The following XPO4 variants were observed in gnomAD, a reference collection of about 807,000 sequenced individuals.
XPO4 encodes the protein exportin-4.
Under a neutral mutation model 143.0 loss-of-function variants are expected in XPO4, and 39 were observed. The observed-to-expected ratio is 0.27, with a 90% CI of 0.21 to 0.36. The LOEUF (loss-of-function observed/expected upper bound fraction) is 0.36. Among genes scored for constraint, XPO4 ranks in the 10% least tolerant of loss-of-function variants. The pLI, the probability that XPO4 is intolerant of heterozygous loss-of-function variation, is 1.00. For missense variants in XPO4, 907 were observed against 1,348.0 expected, an observed-to-expected ratio of 0.67 and a Z score of 5.12; for synonymous variants, 439 against 474.0, an observed-to-expected ratio of 0.93 and a Z score of 0.96.
intron 18 of XPO4, 144 bp downstream of exon 18, chr13:20,795,932 C>T: frequency 3.5e-6 from 3 of 860,982 alleles, no homozygotes; most frequent in South Asian, 2.0e-5. Flanking sequence ...CTGGTCCTCA[C>T]CCTCACTTTG....
At chr13:20,846,166 T>C (rs1394423077) in intron 4 of XPO4, among the ~76,000 whole-genome samples, 2 of 152,258 alleles carry the variant, frequency 1.3e-5, no homozygotes, top group Non-Finnish European at 2.9e-5. Flanking sequence ...TTCCACAGAT[T>C]GTGTCTTACT....
chr13:20,864,713 G>T (rs902277058), intron 2 of XPO4, among the ~76,000 whole-genome samples: 1 of 152,048 alleles, frequency 6.6e-6, no homozygotes, highest in African/African-American at 2.4e-5. Flanking sequence ...TTTGGAGGTG[G>T]GTGGGTGTTG....
chr13:20,801,330 G>A (rs770911376), intron 13 of XPO4, among the ~76,000 whole-genome samples: 2 of 152,172 alleles, frequency 1.3e-5, no homozygotes, highest in Non-Finnish European at 2.9e-5. Context: ...TAAATCTTCA[G>A]AGTACATGCC....
intron 1 of XPO4, among the ~76,000 whole-genome samples, chr13:20,877,352 A>G (rs911047412): frequency 6.6e-6 from 1 of 152,190 alleles, no homozygotes; most frequent in Non-Finnish European, 1.5e-5. Context: ...TCCTGGACCC[A>G]TTTCTAGCTA....
intron 13 of XPO4, among the ~76,000 whole-genome samples, chr13:20,804,499 A>G (rs2059478829): frequency 6.6e-6 from 1 of 152,074 alleles, no homozygotes; most frequent in Admixed American, 6.6e-5. Flanking sequence ...CACTGCCTAA[A>G]GTACTCTTGT....
At chr13:20,887,364 G>A (rs915243367) in intron 1 of XPO4, among the ~76,000 whole-genome samples, 1 of 152,014 alleles carries the variant, frequency 6.6e-6, no homozygotes, top group Non-Finnish European at 1.5e-5. Flanking sequence ...ATCATTCCAC[G>A]TTGTATATAT....
chr13:20,866,134 TC>T (rs2060243032), intron 2 of XPO4: 1 of 985,138 alleles, frequency 1.0e-6, no homozygotes, highest in Non-Finnish European at 1.2e-6. Flanking sequence ...GAACATTTGA[TC>T]CTAAAAAATT....
intron 9 of XPO4, among the ~76,000 whole-genome samples, chr13:20,817,189 T>C (rs989069735): frequency 3.3e-5 from 5 of 152,340 alleles, no homozygotes; most frequent in African/African-American, 1.2e-4. Flanking sequence ...TTCCCTCTTA[T>C]CACTGAGATA....
At chr13:20,894,653 C>A (rs1200540020) in intron 1 of XPO4, among the ~76,000 whole-genome samples, 1 of 151,656 alleles carries the variant, frequency 6.6e-6, no homozygotes, top group African/African-American at 2.4e-5. Context: ...ACCAGCCTGG[C>A]CAACATGGTA....
At chr13:20,859,871 G>A (rs1390625391) in intron 3 of XPO4, 2 of 981,436 alleles carry the variant, frequency 2.0e-6, no homozygotes, top group African/African-American at 3.5e-5. Context: ...TATACATAAT[G>A]AAAATTTGCT....
At chr13:20,835,541 A>T (rs1052618764) in intron 6 of XPO4, among the ~76,000 whole-genome samples, 2 of 152,160 alleles carry the variant, frequency 1.3e-5, no homozygotes, top group Non-Finnish European at 2.9e-5. Flanking sequence ...GCCTAACACC[A>T]CAATATCACA....
chr13:20,822,234 A>C lies in XPO4; in HGVS notation c.896T>G (p.Leu299Arg). The change falls in exon 8 of 23, where the codon CTT (leucine) becomes CGT (arginine). Residue 299 changes from leucine to arginine, a missense_variant. Transcript: ENST00000255305. ...SDMAQDSLQC[L>R]AQLASLHGPI... Reference sequence around the variant, plus strand: ...TCCATGAAGAGAAGCTAACTGGGCAAGGCACTGCAGAGAATCTTGTGCCAT... The same window carrying C: ...TCCATGAAGAGAAGCTAACTGGGCACGGCACTGCAGAGAATCTTGTGCCAT... 1 of 1,613,980 alleles carries C rather than the reference A, an allele frequency of 6.2e-7. No homozygotes were observed. Among genetic ancestry groups the C allele is most frequent in the Non-Finnish European group, 8.5e-7 (1 of 1,179,898 alleles).
rs527996774 is a variant in XPO4, at chr13:20,811,319, G to C, written c.1174-1352C>G. Among the ~76,000 whole-genome samples, 118 of 142,738 alleles carry C rather than the reference G, an allele frequency of 8.3e-4. 5 individuals are homozygous for C. The South Asian group carries it at 0.025, about 30-fold the overall frequency. 93.6% of individuals were successfully genotyped at this position (142,738 alleles called of 152,430 possible). On this transcript the variant is annotated intron_variant, in intron 9 of 22. Coordinates refer to ENST00000255305, the MANE Select transcript of XPO4 (RefSeq NM_022459.5). ...TTTTTTTTTTTTGAGATGGAGTCTC[G>C]CTCTGTTACCCAGGCTGGAGTGCAG...
intron 2 of XPO4, chr13:20,863,148 A>G: frequency 9.7e-7 from 1 of 1,032,308 alleles, no homozygotes; most frequent in Non-Finnish European, 1.2e-6. Context: ...AGCTTTAAAA[A>G]AAATAAAAAT....
intron 1 of XPO4, among the ~76,000 whole-genome samples, chr13:20,897,854 T>G (rs1247862159): frequency 6.6e-6 from 1 of 152,196 alleles, no homozygotes; most frequent in Non-Finnish European, 1.5e-5. Context: ...GTCAAGTGAT[T>G]CTCCTGCCTC....
chr13:20,850,350 G>A, intron 4 of XPO4: 1 of 884,602 alleles, frequency 1.1e-6, no homozygotes, highest in Non-Finnish European at 1.4e-6. Flanking sequence ...GTTAATTTAA[G>A]TTAGGTTGGC....
At chr13:20,797,103 T>C in intron 16 of XPO4, 46 bp from the exon 17 acceptor site, 1 of 1,508,384 alleles carries the variant, frequency 6.6e-7, no homozygotes, top group Non-Finnish European at 8.9e-7. Flanking sequence ...GTTCTCATGC[T>C]TTATTTCCTC....
chr13:20,792,034 C>T (rs2059286889), intron 18 of XPO4, among the ~76,000 whole-genome samples: 1 of 152,202 alleles, frequency 6.6e-6, no homozygotes, highest in African/African-American at 2.4e-5. Flanking sequence ...TGACTCCCTG[C>T]TCCAGGTATC....
intron 4 of XPO4, chr13:20,853,128 C>T (rs2060105930): frequency 1.3e-6 from 1 of 748,820 alleles, no homozygotes; most frequent in Non-Finnish European, 1.6e-6. Context: ...CCCAGGAGTT[C>T]GAGACCAGCC....
Sources: gnomAD v4.1 joint callset for allele counts (sites outside exome capture counted in the v4.1 genomes callset) on GRCh38, gnomAD v4.1.1 for gene constraint, MANE v1.5 for transcripts, NCBI Gene and HGNC (gene_info 2026-07-23, HGNC 2026-07-21) for gene names.